Variants in RELL1 observed in about 807,000 individuals in gnomAD.
The protein encoded by RELL1 is RELT-like protein 1.
A neutral mutation model predicts 23.0 loss-of-function variants in RELL1; 10 were observed. That is an observed-to-expected ratio of 0.43 (90% confidence interval 0.27 to 0.74). The LOEUF (loss-of-function observed/expected upper bound fraction) is 0.74. RELL1 is among the 30% of genes least tolerant of loss of function. The pLI is 0.19. For synonymous variants in RELL1, 146 were observed against 146.8 expected (o/e 0.99, Z 0.04); for missense variants, 315 against 364.4 (o/e 0.86, Z 1.10).
chr4:37,647,706 C>T (rs1720757539), intron 2 of RELL1, among the ~76,000 whole-genome samples: 1 of 152,114 alleles, frequency 6.6e-6, no homozygotes, highest in Admixed American at 6.6e-5. Flanking sequence ...GCATTTGTAC[C>T]AGTCTTCATT....
intron 1 of RELL1, among the ~76,000 whole-genome samples, chr4:37,683,246 A>T (rs1722281075): frequency 6.6e-6 from 1 of 152,184 alleles, no homozygotes; most frequent in Admixed American, 6.5e-5. Context: ...GGTACAGTGG[A>T]AAGGGAATGA....
intron 1 of RELL1, among the ~76,000 whole-genome samples, chr4:37,680,639 C>T (rs527311511): frequency 1.1e-4 from 17 of 152,172 alleles, no homozygotes; most frequent in Admixed American, 7.8e-4. Context: ...AGAACCTATG[C>T]GAGTTAAGAA....
chr4:37,616,864 G>A (rs1366624020), intron 6 of RELL1, among the ~76,000 whole-genome samples: 1 of 152,194 alleles, frequency 6.6e-6, no homozygotes, highest in Non-Finnish European at 1.5e-5. Context: ...TGCAGGTTAT[G>A]ATGGCTGTGC....
intron 5 of RELL1, among the ~76,000 whole-genome samples, chr4:37,632,060 A>G (rs555700489): frequency 7.7e-6 from 1 of 129,100 alleles, no homozygotes; most frequent in African/African-American, 2.9e-5. Flanking sequence ...CCTGGGCAAC[A>G]GAGCTAGACC....
chr4:37,650,399 A>G (rs1465562183), intron 1 of RELL1, among the ~76,000 whole-genome samples: 1 of 152,228 alleles, frequency 6.6e-6, no homozygotes, highest in Non-Finnish European at 1.5e-5. Context: ...CAAGCACCAC[A>G]CTGGGTGGGA....
chr4:37,630,366 T>TG (rs1174135616), intron 6 of RELL1, among the ~76,000 whole-genome samples: 21 of 115,786 alleles, frequency 1.8e-4, no homozygotes, highest in African/African-American at 6.0e-4. Context: ...GTTTTTTTTT[T>TG]TTTTTTTTTT....
chr4:37,669,218 C>T (rs373525041), intron 1 of RELL1, among the ~76,000 whole-genome samples: 1,943 of 131,052 alleles, frequency 0.015, 160 homozygotes, highest in South Asian at 0.14. Context: ...GCCAGCCGCC[C>T]CGTCCGGGAG....
intron 6 of RELL1, among the ~76,000 whole-genome samples, chr4:37,600,806 TA>T (rs148005416): frequency 9.3e-5 from 14 of 151,222 alleles, no homozygotes; most frequent in African/African-American, 2.4e-4. Flanking sequence ...TGTGTGTGTG[TA>T]GTTTTTGTTT....
intron 6 of RELL1, among the ~76,000 whole-genome samples, chr4:37,617,727 G>A (rs1020058847): frequency 5.9e-5 from 9 of 152,226 alleles, no homozygotes; most frequent in Admixed American, 2.0e-4. Flanking sequence ...AGGCTGCAGT[G>A]AGCCGAGATT....
At chr4:37,642,996 A>C (rs1403176856) in intron 3 of RELL1, among the ~76,000 whole-genome samples, 1 of 152,176 alleles carries the variant, frequency 6.6e-6, no homozygotes, top group East Asian at 1.9e-4. Context: ...AAGCCAGTAC[A>C]TGTAATAAAG....
At chr4:37,678,098 C>T (rs1242586805) in intron 1 of RELL1, among the ~76,000 whole-genome samples, 1 of 152,204 alleles carries the variant, frequency 6.6e-6, no homozygotes, top group Admixed American at 6.5e-5. Flanking sequence ...GCCTCAGAAG[C>T]TTCCAGTCAT....
chr4:37,665,154 A>C (rs979283983), intron 1 of RELL1: 1 of 425,502 alleles, frequency 2.4e-6, no homozygotes, highest in Non-Finnish European at 4.7e-6. Flanking sequence ...CTTTATAAGC[A>C]GTTTTGTTAA....
At position 37,622,797 on chromosome 4, in the gene RELL1, T is replaced by C. The variant is rs541573390; in HGVS notation, c.*3+8588A>G. The stretch of plus-strand genomic sequence containing the variant: ...TGGCACATAGTAGGGTCTCAAGTAA[T>C]GCTTTTTTTTTTTTTTTTTTTTCTG... On this transcript the variant is annotated intron_variant, in intron 6 of 6. Coordinates refer to ENST00000454158, the MANE Select transcript of RELL1 (RefSeq NM_001085400.2). 5.5e-4 allele frequency: 247 copies of C among 446,944 alleles called. 1 individual carries two copies. The highest frequency in any genetic ancestry group is 4.4e-3 in the African/African-American group (216 of 48,576). The allele number at this position is 446,944 out of a possible 1,614,324, so 27.7% of individuals were successfully genotyped here.
chr4:37,618,386 A>G (rs1180675148), intron 6 of RELL1, among the ~76,000 whole-genome samples: 1 of 151,526 alleles, frequency 6.6e-6, no homozygotes, highest in African/African-American at 2.4e-5. Context: ...TACTCAGCTA[A>G]TTTTTTATTT....
At chr4:37,673,650 A>T (rs774302270) in intron 1 of RELL1, among the ~76,000 whole-genome samples, 1 of 152,144 alleles carries the variant, frequency 6.6e-6, no homozygotes, top group Non-Finnish European at 1.5e-5. Flanking sequence ...ATTATGTTTG[A>T]TGGCTCACCC....
chr4:37,589,004 A>G (rs1718456588), downstream of RELL1: 2 of 804,314 alleles, frequency 2.5e-6, no homozygotes, highest in Non-Finnish European at 4.3e-6. Flanking sequence ...AGCTTGGGGC[A>G]TGATCAACAT....
chr4:37,597,653 A>G (rs2109480919), intron 6 of RELL1, among the ~76,000 whole-genome samples: 1 of 152,318 alleles, frequency 6.6e-6, no homozygotes, highest in East Asian at 1.9e-4. Context: ...CAAAAGCTTT[A>G]AATTACCAAT....
chr4:37,654,674 T>C (rs1014851450), intron 1 of RELL1, among the ~76,000 whole-genome samples: 1 of 152,276 alleles, frequency 6.6e-6, no homozygotes, highest in Admixed American at 6.5e-5. Flanking sequence ...AGTCAAAAAA[T>C]AGCAACACCT....
rs151179776 is a variant in RELL1, at chr4:37,602,618, T to C, written c.*4-11401A>G. Among the ~76,000 whole-genome samples the C allele has an allele frequency of 2.2e-4, 33 of 152,206 alleles. 1 individual carries two copies. The East Asian group carries it at 6.4e-3, about 29-fold the overall frequency. On this transcript the variant is annotated intron_variant, in intron 6 of 6. Coordinates refer to the RELL1 transcript ENST00000314117. ...AGACCCTTCACCAAGTTACCAAACA[T>C]GCCGCTTACAGCAGTCGCGCCCTCG...
Sources: allele counts gnomAD v4.1 joint callset (sites outside exome capture counted in the v4.1 genomes callset), GRCh38; gene constraint gnomAD v4.1.1; transcripts MANE v1.5; gene names NCBI Gene and HGNC (gene_info 2026-07-23, HGNC 2026-07-21).